SLC30A10: variants seen among roughly 807,000 people sequenced by gnomAD.
SLC30A10 encodes the protein calcium/manganese antiporter SLC30A10.
In SLC30A10, 8 loss-of-function variants were observed where a neutral mutation model predicts 21.7. The ratio of observed to expected loss-of-function variants is 0.37; its 90% CI spans 0.22 to 0.67. SLC30A10 has a LOEUF of 0.67. SLC30A10 is among the 30% of genes least tolerant of loss of function. The probability of loss-of-function intolerance (pLI) is 0.58; values close to 1 mark genes in which losing one functional copy is unlikely to be tolerated. For synonymous variants in SLC30A10, 272 were observed against 279.4 expected (o/e 0.97, Z 0.26); for missense variants, 521 against 642.5 (o/e 0.81, Z 2.04).
chr1:219,926,346 TA>T (rs1659824847), intron 2 of SLC30A10, among the ~76,000 whole-genome samples: 1 of 152,236 alleles, frequency 6.6e-6, no homozygotes, highest in Non-Finnish European at 1.5e-5. Flanking sequence ...AATTGGGGAT[TA>T]ACCCCTTCTG....
At chr1:219,920,348 C>A (rs1460553645) in intron 2 of SLC30A10, among the ~76,000 whole-genome samples, 6 of 152,104 alleles carry the variant, frequency 3.9e-5, no homozygotes, top group Non-Finnish European at 1.5e-5. Context: ...TGCTTCAGGA[C>A]AGTACAAAAT....
chr1:219,955,909 T>G (rs1660342944), intron 1 of SLC30A10, among the ~76,000 whole-genome samples: 1 of 152,236 alleles, frequency 6.6e-6, no homozygotes, highest in South Asian at 2.1e-4. Context: ...TCATAGTTTA[T>G]AACTCCTTTT....
chr1:219,959,031 C>T (rs1262395064), upstream of SLC30A10, among the ~76,000 whole-genome samples: 3 of 152,276 alleles, frequency 2.0e-5, no homozygotes, highest in South Asian at 4.1e-4. Context: ...CGTCTCGGTG[C>T]CCTGGCAGTT....
Position 219,915,425 on chromosome 1 carries a change from T to C in SLC30A10, c.*24A>G. On this transcript the variant is annotated 3_prime_UTR_variant, in exon 4 of 4. Transcript: ENST00000366926. ...GTGGTTCCAAAGTGCCTCGTCTATA[T>C]GGTCTGATTATGTGAGTACCAGATT... is the stretch of plus-strand genomic sequence containing the variant. 1.3e-6 allele frequency: 2 copies of C among 1,599,234 alleles called. No homozygotes were observed. The highest frequency in any genetic ancestry group is 1.3e-5 in the African/African-American group (1 of 74,904).
Position 219,911,993 on chromosome 1 carries a change from T to C in SLC30A10, c.*3456A>G, listed in dbSNP as rs1659424631. ...CACATCCAATTCAAAATGTCAGTAA[T>C]GCCAAGACTGAGAACCCCTGGAGTA... On this transcript the variant is annotated 3_prime_UTR_variant, in exon 4 of 4. Coordinates refer to ENST00000366926, the MANE Select transcript of SLC30A10 (RefSeq NM_018713.3). Among the ~76,000 whole-genome samples, 1 of 152,006 alleles carries C rather than the reference T, an allele frequency of 6.6e-6. No homozygotes were observed. Among genetic ancestry groups the C allele is most frequent in the South Asian group, 2.1e-4 (1 of 4,816 alleles).
chr1:219,956,686 G>GA (rs1022802967), intron 1 of SLC30A10, among the ~76,000 whole-genome samples: 7 of 148,902 alleles, frequency 4.7e-5, no homozygotes, highest in African/African-American at 1.5e-4. Context: ...AAGAAGAAAA[G>GA]AAAAAAAAGA....
chr1:219,917,358 A>T (rs923778069), intron 3 of SLC30A10, among the ~76,000 whole-genome samples: 1 of 152,122 alleles, frequency 6.6e-6, no homozygotes, highest in Non-Finnish European at 1.5e-5. Flanking sequence ...TATATATCAC[A>T]AATTTCTTTG....
intron 2 of SLC30A10, among the ~76,000 whole-genome samples, chr1:219,926,147 T>C (rs1286818936): frequency 1.3e-5 from 2 of 152,222 alleles, no homozygotes; most frequent in Non-Finnish European, 2.9e-5. Context: ...TGTTATCTTC[T>C]GGATTTTCCC....
At chr1:219,917,725 T>TTTTTC (rs1460441096) in intron 3 of SLC30A10, among the ~76,000 whole-genome samples, 1 of 148,258 alleles carries the variant, frequency 6.7e-6, no homozygotes, top group Admixed American at 6.7e-5. Flanking sequence ...TTTTTTTTTT[T>TTTTTC]TTTGAGTCAG....
At chr1:219,943,228 T>C (rs1660143619) in intron 1 of SLC30A10, among the ~76,000 whole-genome samples, 2 of 152,042 alleles carry the variant, frequency 1.3e-5, no homozygotes. Flanking sequence ...CTGGAAAGTA[T>C]AAGTAAAGAA....
intron 1 of SLC30A10, among the ~76,000 whole-genome samples, chr1:219,954,549 G>A (rs1452071697): frequency 5.9e-5 from 9 of 151,628 alleles, no homozygotes; most frequent in African/African-American, 9.7e-5. Context: ...GCATAGTGGC[G>A]CACGCCTGTA....
At chr1:219,946,423 G>A (rs989048800) in intron 1 of SLC30A10, among the ~76,000 whole-genome samples, 1 of 152,178 alleles carries the variant, frequency 6.6e-6, no homozygotes, top group African/African-American at 2.4e-5. Flanking sequence ...CTGATAAACT[G>A]TTCATCTAGT....
chr1:219,942,597 C>T (rs991196281), intron 1 of SLC30A10, among the ~76,000 whole-genome samples: 1 of 152,132 alleles, frequency 6.6e-6, no homozygotes, highest in Non-Finnish European at 1.5e-5. Context: ...ATAATAATAA[C>T]TCAGGCAAAC....
intron 1 of SLC30A10, among the ~76,000 whole-genome samples, chr1:219,949,051 A>G (rs1296556257): frequency 2.3e-4 from 35 of 151,656 alleles, no homozygotes; most frequent in Admixed American, 7.2e-4. Flanking sequence ...AATCAAAACC[A>G]CAATGAGATA....
chr1:219,935,475 G>A (rs1256568440), intron 1 of SLC30A10, among the ~76,000 whole-genome samples: 1 of 152,214 alleles, frequency 6.6e-6, no homozygotes, highest in Non-Finnish European at 1.5e-5. Flanking sequence ...TGAATATGTA[G>A]TGGGACAACA....
At chr1:219,927,525 A>G (rs1008142981) in intron 1 of SLC30A10, among the ~76,000 whole-genome samples, 1 of 151,782 alleles carries the variant, frequency 6.6e-6, no homozygotes, top group Non-Finnish European at 1.5e-5. Context: ...AGAATAGGGT[A>G]AGGGAAAAGA....
In SLC30A10 at chr1:219,927,831, T is replaced by C; in HGVS notation, c.610A>G (p.Lys204Glu). ...ACGTTTGCGAACACGGTCGCCCCCT[T>C]CTCCCGCTTCCTTTCCACCGAGGTC... ...RGTSVERKRE[K>E]GATVFANVAG... The change falls in exon 1 of 4, where the codon AAG becomes GAG. Residue 204 changes from lysine (K) to glutamate (E), a missense_variant. By Grantham distance (56) the Lys-to-Glu change is moderately conservative (BLOSUM62 1). Coordinates refer to ENST00000366926, the MANE Select transcript of SLC30A10 (RefSeq NM_018713.3). The C allele has an allele frequency of 6.5e-7, 1 of 1,547,752 alleles. No homozygotes were observed. Among genetic ancestry groups the C allele is most frequent in the South Asian group, 1.2e-5 (1 of 83,918 alleles).
chr1:219,915,724 CCTT>C lies in SLC30A10; in HGVS notation c.1180_1182del (p.Lys394del). 6.2e-7 allele frequency: 1 copy of C among 1,614,196 alleles called. No individual in the cohort carries two copies. Among genetic ancestry groups the C allele is most frequent in the Non-Finnish European group, 8.5e-7 (1 of 1,180,028 alleles). On this transcript the variant is annotated inframe_deletion, in exon 4 of 4. Coordinates refer to ENST00000366926, the MANE Select transcript of SLC30A10 (RefSeq NM_018713.3). ...GGTGAGTTGCAGAGCAACAGTAAGTCCTTCTGCTCCAGGGGTTCCTTCAAGTCC... is the reference window on the plus strand; with the variant it reads ...GGTGAGTTGCAGAGCAACAGTAAGTCCTGCTCCAGGGGTTCCTTCAAGTCC...
intron 1 of SLC30A10, among the ~76,000 whole-genome samples, chr1:219,947,785 A>G (rs932102278): frequency 3.3e-5 from 5 of 152,188 alleles, no homozygotes; most frequent in African/African-American, 9.6e-5. Flanking sequence ...AGCCAAGATC[A>G]CACCATTGCA....
Sources: gnomAD v4.1 joint callset for allele counts (sites outside exome capture counted in the v4.1 genomes callset) on GRCh38, gnomAD v4.1.1 for gene constraint, MANE v1.5 for transcripts, NCBI Gene and HGNC (gene_info 2026-07-23, HGNC 2026-07-21) for gene names.